Variants in PLCD4 observed in about 807,000 individuals in gnomAD.
PLCD4 encodes the protein 1-phosphatidylinositol 4,5-bisphosphate phosphodiesterase delta-4.
PLCD4 carries 63 observed loss-of-function variants against 90.2 expected under a neutral mutation model. The ratio of observed to expected loss-of-function variants is 0.70; its 90% CI spans 0.57 to 0.86. The LOEUF (loss-of-function observed/expected upper bound fraction) is 0.86. Among genes scored for constraint, PLCD4 ranks in the 40% least tolerant of loss-of-function variants. The pLI, the probability that PLCD4 is intolerant of heterozygous loss-of-function variation, is 0.00. For synonymous variants in PLCD4, 294 were observed against 356.5 expected (o/e 0.82, Z 1.97); for missense variants, 830 against 956.3 (o/e 0.87, Z 1.74).
intron 10 of PLCD4, 34 bp from the exon 11 acceptor site, chr2:218,633,571 G>C (rs536156238): frequency 1.2e-6 from 2 of 1,604,384 alleles, no homozygotes; most frequent in South Asian, 2.2e-5. Flanking sequence ...GACTGCTGAG[G>C]GTTCAATTCC....
In PLCD4 at chr2:218,628,010, T is replaced by A; in HGVS notation, c.773-19T>A. On this transcript the variant is annotated intron_variant, in intron 6 of 15. Coordinates refer to ENST00000450993, the MANE Select transcript of PLCD4 (RefSeq NM_032726.4). ...CCATTCAGAGCTTCTCACCTAGTGT[T>A]CCCCTGTCCACACTCCAGGCAAACT... The A allele has an allele frequency of 6.2e-7, 1 of 1,601,426 alleles. No homozygotes were observed. Among genetic ancestry groups the A allele is most frequent in the South Asian group, 1.1e-5 (1 of 89,204 alleles).
At chr2:218,622,521 A>G (rs369831458) in intron 5 of PLCD4, 126 bp from the exon 6 acceptor site, 1 of 554,402 alleles carries the variant, frequency 1.8e-6, no homozygotes. Flanking sequence ...CAAAACATCT[A>G]ATTTACTGTA....
Position 218,632,254 on chromosome 2 carries a change from AG to A in PLCD4, c.1392del (p.Gln464HisfsTer37), listed in dbSNP as rs748243072. 22 of 1,611,520 alleles carry A rather than the reference AG, an allele frequency of 1.4e-5. No homozygotes were observed. In the South Asian group the frequency reaches 1.8e-4, roughly 13 times the overall value. The stretch of plus-strand genomic sequence containing the variant: ...GAGTCAGAATTGGCGCTGGAGTCCC[AG>A]TTTGAGACTGAGCCTGAGCCCCAGG... ...LEESELALESQFETEPEPQEQ... is the reference protein window; with the variant it reads ...LEESELALESXFETEPEPQEQ... On this transcript the variant is annotated frameshift_variant, in exon 10 of 16. Coordinates refer to ENST00000450993, the MANE Select transcript of PLCD4 (RefSeq NM_032726.4). LOFTEE classifies it high-confidence loss of function.
chr2:218,615,748 C>T lies in PLCD4; in HGVS notation c.9C>T (p.Ser3=). 6.2e-7 allele frequency: 1 copy of T among 1,606,878 alleles called. No individual in the cohort carries two copies. The highest frequency in any genetic ancestry group is 8.5e-7 in the Non-Finnish European group (1 of 1,176,534). MA[S]LLQDQLTTDQ... ...TGGTGGAACAGTGGGTGATGGCGTC[C>T]CTGCTGCAAGACCGTGAGTGCCGGG... Residue 3 remains serine (S), a synonymous_variant, in exon 2 of 16, where the codon TCC becomes TCT. Transcript: ENST00000450993.
At chr2:218,614,933 A>G (rs1309995608) in intron 1 of PLCD4, among the ~76,000 whole-genome samples, 3 of 152,088 alleles carry the variant, frequency 2.0e-5, no homozygotes, top group African/African-American at 7.2e-5. Flanking sequence ...TGTTAAAGAG[A>G]AAAAAGAAAG....
chr2:218,618,992 C>A, intron 4 of PLCD4, 185 bp downstream of exon 4: 1 of 599,738 alleles, frequency 1.7e-6, no homozygotes, highest in Middle Eastern at 4.5e-4. Flanking sequence ...GAATGGATGC[C>A]AAGGATCACA....
In PLCD4 at chr2:218,634,709, G is replaced by A. The variant is rs1371907580; in HGVS notation, c.1896+79G>A. The A allele has an allele frequency of 1.4e-5, 20 of 1,468,656 alleles. No homozygotes were observed. Among genetic ancestry groups the A allele is most frequent in the Middle Eastern group, 1.8e-4 (1 of 5,426 alleles). 91.0% of individuals were successfully genotyped at this position (1,468,656 alleles called of 1,614,324 possible). On this transcript the variant is annotated intron_variant, in intron 13 of 15. Transcript: ENST00000450993. The surrounding 1 kb of genome is among the most constrained non-coding windows in gnomAD (Gnocchi z 4.0). ...AGGGAAGAGGTGGCTAGGCCTGACC[G>A]GAATGTAGAGGCCGGATAGCCTATT...
intron 14 of PLCD4, 109 bp from the exon 15 acceptor site, chr2:218,636,134 A>T: frequency 7.1e-7 from 1 of 1,399,614 alleles, no homozygotes; most frequent in Admixed American, 1.9e-5. Context: ...CTTTTTCCTT[A>T]CCTGTAAAAT....
chr2:218,610,866 T>C (rs1277542121), intron 1 of PLCD4, among the ~76,000 whole-genome samples: 3 of 151,954 alleles, frequency 2.0e-5, no homozygotes, highest in Non-Finnish European at 4.4e-5. Context: ...TAGCGGAGAT[T>C]ATAGGTGTGC....
chr2:218,621,729 T>A, intron 5 of PLCD4, 130 bp downstream of exon 5: 1 of 1,173,670 alleles, frequency 8.5e-7, no homozygotes, highest in Non-Finnish European at 1.2e-6. Context: ...CTAGGCTCAA[T>A]GCCCTAGGCT....
At chr2:218,610,947 C>T (rs960842636) in intron 1 of PLCD4, among the ~76,000 whole-genome samples, 2 of 152,240 alleles carry the variant, frequency 1.3e-5, no homozygotes, top group Admixed American at 1.3e-4. Context: ...AGGCTGGTCT[C>T]GAACTCCTGG....
chr2:218,632,951 C>T (rs889493640), intron 10 of PLCD4, among the ~76,000 whole-genome samples: 5 of 152,092 alleles, frequency 3.3e-5, no homozygotes, highest in Non-Finnish European at 5.9e-5. Flanking sequence ...TTGGTGGGGC[C>T]TCCAAGATCC....
rs1162268400 is a variant in PLCD4 at position 218,607,921 on chromosome 2, A to G, written c.-183A>G. The G allele has an allele frequency of 6.6e-6, 1 of 152,350 alleles. No individual in the cohort carries two copies. Among genetic ancestry groups the G allele is most frequent in the African/African-American group, 2.4e-5 (1 of 41,460 alleles). 9.4% of individuals were successfully genotyped at this position (152,350 alleles called of 1,614,324 possible). A position where few individuals can be genotyped will look rare whatever the true frequency, so the allele number is the denominator to read the frequency against. The stretch of plus-strand genomic sequence containing the variant: ...GCCAGTCACAGCAGCCAGCTGCTGT[A>G]GAAGAGGGGAGGAAACAAGCCAGTG... On this transcript the variant is annotated 5_prime_UTR_variant, in exon 1 of 16. Transcript: ENST00000450993.
At chr2:218,623,007 A>G (rs1240882833) in intron 6 of PLCD4, 129 bp downstream of exon 6, 1 of 778,134 alleles carries the variant, frequency 1.3e-6, no homozygotes, top group Admixed American at 2.7e-5. Flanking sequence ...ACCCCTGCCC[A>G]ATCATCTCAT....
intron 9 of PLCD4, among the ~76,000 whole-genome samples, 160 bp downstream of exon 9, chr2:218,630,962 AACAAAATCTAACTGAAC>A: frequency 6.6e-6 from 1 of 152,316 alleles, no homozygotes; most frequent in African/African-American, 2.4e-5. Flanking sequence ...TTTTAACTTA[AACAAAATCTAACTGAAC>A]ACAGAATTCT....
At chr2:218,621,307 G>C (rs1352337246) in intron 4 of PLCD4, among the ~76,000 whole-genome samples, 163 bp from the exon 5 acceptor site, 2 of 152,238 alleles carry the variant, frequency 1.3e-5, no homozygotes, top group Non-Finnish European at 2.9e-5. Context: ...AAGATAGATT[G>C]GTGCTCTAGA....
chr2:218,614,706 C>T (rs1182400760), intron 1 of PLCD4, among the ~76,000 whole-genome samples: 4 of 151,984 alleles, frequency 2.6e-5, no homozygotes, highest in Admixed American at 1.3e-4. Flanking sequence ...CAGCCTCGGC[C>T]TCCCAAATTG....
rs566366452 is a variant in PLCD4 at position 218,629,634 on chromosome 2, G to A, written c.1090G>A (p.Val364Met). Residue 364 changes from valine (V) to methionine (M), a missense_variant, in exon 8 of 16, where the codon GTG becomes ATG. Coordinates refer to ENST00000450993, the MANE Select transcript of PLCD4 (RefSeq NM_032726.4). ...CTCCCGCATCCTGTTCAAAGATGTC[G>A]TGGCCACAGTAGCACAGTATGCCTT... ...LTSRILFKDV[V>M]ATVAQYAFQT... 5.3e-4 allele frequency: 851 copies of A among 1,613,702 alleles called. 9 individuals carry two copies. In the South Asian group the frequency reaches 8.4e-3, roughly 16 times the overall value.
intron 9 of PLCD4, among the ~76,000 whole-genome samples, chr2:218,631,119 T>C (rs1260666768): frequency 2.0e-5 from 3 of 152,304 alleles, no homozygotes; most frequent in African/African-American, 7.2e-5. Context: ...AAATCTCCCC[T>C]CCTATCATAA....
Sources: gnomAD v4.1 joint callset for allele counts (sites outside exome capture counted in the v4.1 genomes callset) on GRCh38, gnomAD v4.1.1 for gene constraint, Gnocchi (gnomAD v3.1) non-coding constraint, MANE v1.5 for transcripts, NCBI Gene and HGNC (gene_info 2026-07-23, HGNC 2026-07-21) for gene names.